NEXMIF: variants seen among roughly 807,000 people sequenced by gnomAD.
NEXMIF encodes the protein neurite extension and migration factor, also known as XLMR protein related to neurite extension.
Under a neutral mutation model 62.1 loss-of-function variants are expected in NEXMIF, and 8 were observed. The observed-to-expected ratio is 0.13, with a 90% CI of 0.08 to 0.23. The LOEUF (loss-of-function observed/expected upper bound fraction) is 0.23. Ranked by LOEUF, NEXMIF falls within the 10% of genes least tolerant of loss-of-function variation. The pLI is 1.00. For synonymous variants in NEXMIF, 404 were observed against 416.6 expected, an observed-to-expected ratio of 0.97 and a Z score of 0.37; for missense variants, 976 against 1,113.3, an observed-to-expected ratio of 0.88 and a Z score of 1.75.
At chrX:74,757,952 A>C (rs2080164172) in intron 1 of NEXMIF, among the ~76,000 whole-genome samples, 1 of 111,949 alleles carries the variant, frequency 8.9e-6, no homozygotes, top group African/African-American at 3.2e-5. Flanking sequence ...CCAGTGCAGC[A>C]TGTTTCATTT....
chrX:74,795,192 A>G (rs762456731), intron 1 of NEXMIF, among the ~76,000 whole-genome samples: 2 of 112,390 alleles, frequency 1.8e-5, no homozygotes, highest in Non-Finnish European at 3.8e-5. Flanking sequence ...TATTTACCCA[A>G]GTGAATTGAA....
intron 1 of NEXMIF, among the ~76,000 whole-genome samples, chrX:74,751,492 CT>C (rs751246251): frequency 0.015 from 1,485 of 102,035 alleles, 6 homozygotes; most frequent in Middle Eastern, 0.026. Flanking sequence ...GTCTCTCTCT[CT>C]TTTTTTTTTT....
chrX:74,744,923 T>TCCCTCTC (rs1434548010), intron 2 of NEXMIF, among the ~76,000 whole-genome samples: 4 of 18,852 alleles, frequency 2.1e-4, no homozygotes, highest in Non-Finnish European at 7.5e-4. Context: ...CTCTCTCTTC[T>TCCCTCTC]CTCTCTCCTC....
At chrX:74,896,998 C>T (rs1281810804) in intron 1 of NEXMIF, among the ~76,000 whole-genome samples, 1 of 112,206 alleles carries the variant, frequency 8.9e-6, no homozygotes, top group Non-Finnish European at 1.9e-5. Flanking sequence ...TATCTACTAG[C>T]ATACAAAAAT....
chrX:74,829,965 G>A lies in NEXMIF; in HGVS notation c.-47-84268C>T, dbSNP rs187708680. On this transcript the variant is annotated intron_variant, in intron 1 of 3. Transcript: ENST00000055682. Reference sequence around the variant, plus strand: ...TGGTTATTGATCCCTTGTCAGATGGGTAGTTTGCAAATATTTTTTCCTAAT... The same window carrying A: ...TGGTTATTGATCCCTTGTCAGATGGATAGTTTGCAAATATTTTTTCCTAAT... Among the ~76,000 whole-genome samples, 4 of 111,572 alleles carry A rather than the reference G, an allele frequency of 3.6e-5. No individual in the cohort carries two copies. In the Admixed American group the frequency reaches 3.8e-4, roughly 11 times the overall value.
At chrX:74,762,622 C>G (rs773157568) in intron 1 of NEXMIF, among the ~76,000 whole-genome samples, 137 of 111,596 alleles carry the variant, frequency 1.2e-3, no homozygotes, top group African/African-American at 4.1e-3. Flanking sequence ...CTCTCCAGCA[C>G]CTGTTGTTTC....
At chrX:74,893,718 A>G (rs1432752970) in intron 1 of NEXMIF, among the ~76,000 whole-genome samples, 1 of 112,028 alleles carries the variant, frequency 8.9e-6, no homozygotes, top group East Asian at 2.8e-4. Flanking sequence ...TTTTTCTGAA[A>G]GTCTAATATT....
At chrX:74,764,266 A>G in intron 1 of NEXMIF, among the ~76,000 whole-genome samples, 1 of 111,989 alleles carries the variant, frequency 8.9e-6, no homozygotes, top group East Asian at 2.8e-4. Flanking sequence ...ATGCTGGATT[A>G]CGTTTATTGA....
At chrX:74,809,410 G>A (rs2080354223) in intron 1 of NEXMIF, among the ~76,000 whole-genome samples, 1 of 112,022 alleles carries the variant, frequency 8.9e-6, no homozygotes, top group Non-Finnish European at 1.9e-5. Flanking sequence ...ATGGAGCCTG[G>A]CTGATCCTGC....
intron 1 of NEXMIF, among the ~76,000 whole-genome samples, chrX:74,905,002 C>T (rs2080762531): frequency 9.0e-6 from 1 of 111,173 alleles, no homozygotes; most frequent in African/African-American, 3.3e-5. Context: ...CTCTCTGGTC[C>T]TAAGAGCCAT....
At position 74,834,689 on chromosome X, in the gene NEXMIF, GTATGT is replaced by G. The variant is rs749580904; in HGVS notation, c.-47-88997_-47-88993del. Among the ~76,000 whole-genome samples the G allele has an allele frequency of 3.3e-3, 369 of 111,831 alleles. 2 individuals are homozygous for G. The highest frequency in any genetic ancestry group is 0.011 in the African/African-American group (352 of 30,803). On this transcript the variant is annotated intron_variant, in intron 1 of 3. Transcript: ENST00000055682. Reference sequence around the variant, plus strand: ...CTGCCACAGGTATTGGAGTTCCATAGTATGTTATGTTGTTTCTTTTCTCTTGCTGC... The same window carrying G: ...CTGCCACAGGTATTGGAGTTCCATAGTATGTTGTTTCTTTTCTCTTGCTGC...
chrX:74,890,673 G>T (rs2080714905), intron 1 of NEXMIF, among the ~76,000 whole-genome samples: 1 of 111,697 alleles, frequency 9.0e-6, no homozygotes, highest in Non-Finnish European at 1.9e-5. Context: ...CTACGCTTGG[G>T]CATTTCCAAA....
At chrX:74,793,432 G>T (rs891590781) in intron 1 of NEXMIF, among the ~76,000 whole-genome samples, 1 of 108,902 alleles carries the variant, frequency 9.2e-6, no homozygotes, top group African/African-American at 3.3e-5. Context: ...TTCAACTTTG[G>T]TGAATCTGAC....
chrX:74,742,503 C>G lies in NEXMIF; in HGVS notation c.2054G>C (p.Cys685Ser). The change falls in exon 3 of 4, where the codon TGT becomes TCT. Residue 685 changes from cysteine to serine, a missense_variant. Around this residue, in one of 5 missense-constraint regions of NEXMIF, gnomAD observed 639 missense variants for 694.5 expected, o/e 0.92. Coordinates refer to ENST00000055682, the MANE Select transcript of NEXMIF (RefSeq NM_001008537.3). ...LKSAPLGAPS[C>S]ANGSHLNDIT... ...GTCATTTAAATGTGATCCATTTGCACAGCTAGGAGCACCCAGAGGTGCTGA... is the reference window on the plus strand; with the variant it reads ...GTCATTTAAATGTGATCCATTTGCAGAGCTAGGAGCACCCAGAGGTGCTGA... The G allele has an allele frequency of 8.3e-7, 1 of 1,209,814 alleles. No individual in the cohort carries two copies. Among genetic ancestry groups the G allele is most frequent in the Non-Finnish European group, 1.1e-6 (1 of 895,084 alleles).
chrX:74,825,838 C>A (rs1050360737), intron 1 of NEXMIF, among the ~76,000 whole-genome samples: 1 of 112,490 alleles, frequency 8.9e-6, no homozygotes, highest in African/African-American at 3.2e-5. Flanking sequence ...CAGGTGTGAG[C>A]CACCACCCGG....
intron 1 of NEXMIF, among the ~76,000 whole-genome samples, 188 bp downstream of exon 1, chrX:74,924,695 C>T (rs1322959443): frequency 1.8e-5 from 2 of 113,805 alleles, no homozygotes; most frequent in South Asian, 3.5e-4. Flanking sequence ...GATCTCTCGC[C>T]CTAGCGGCCT....
chrX:74,895,898 G>T (rs1435031513), intron 1 of NEXMIF, among the ~76,000 whole-genome samples: 1 of 109,191 alleles, frequency 9.2e-6, no homozygotes, highest in African/African-American at 3.3e-5. Context: ...TGAGAAAAAA[G>T]TTCAAGTTTC....
At chrX:74,814,221 T>C (rs975826524) in intron 1 of NEXMIF, among the ~76,000 whole-genome samples, 9 of 111,844 alleles carry the variant, frequency 8.0e-5, no homozygotes, top group African/African-American at 2.9e-4. Flanking sequence ...AGAGTTTAAT[T>C]GGTAGACACA....
intron 1 of NEXMIF, among the ~76,000 whole-genome samples, chrX:74,749,467 CTT>C (rs1197918709): frequency 9.0e-6 from 1 of 111,150 alleles, no homozygotes; most frequent in Non-Finnish European, 1.9e-5. Flanking sequence ...GTTGTATCCT[CTT>C]TTCATTCTGT....
Sources: allele counts gnomAD v4.1 joint callset (sites outside exome capture counted in the v4.1 genomes callset), GRCh38; gene constraint gnomAD v4.1.1; regional missense constraint gnomAD v4.1.1; transcripts MANE v1.5; gene names NCBI Gene and HGNC (gene_info 2026-07-23, HGNC 2026-07-21).